Variants in CCDC92B observed in about 807,000 individuals in gnomAD.
CCDC92B encodes coiled-coil domain containing 92B.
In CCDC92B, 2 loss-of-function variants were observed where a neutral mutation model predicts 5.6. That is an observed-to-expected ratio of 0.36 (90% CI 0.15 to 1.12). The LOEUF (loss-of-function observed/expected upper bound fraction) is 1.12, where lower values mean the gene tolerates loss of function less well. Among genes scored for constraint, CCDC92B ranks in the 50% most tolerant of loss-of-function variants. CCDC92B has a pLI of 0.40. For synonymous variants in CCDC92B, 115 were observed against 122.3 expected, an observed-to-expected ratio of 0.94 and a Z score of 0.39; for missense variants, 271 against 262.2, an observed-to-expected ratio of 1.03 and a Z score of -0.23.
intron 1 of CCDC92B, among the ~76,000 whole-genome samples, chr17:2,737,811 C>T (rs11654669): frequency 0.38 from 57,025 of 151,548 alleles, 12,959 homozygotes; most frequent in Non-Finnish European, 0.5. Context: ...AAGGGGTGGC[C>T]CTTTGGCCTG....
chr17:2,746,899 T>G (rs1461374840), intron 1 of CCDC92B, among the ~76,000 whole-genome samples: 6 of 152,178 alleles, frequency 3.9e-5, no homozygotes, highest in Non-Finnish European at 8.8e-5. Context: ...CTTGAACTCC[T>G]GACCTCAGGT....
chr17:2,734,316 G>C (rs1237729229), intron 2 of CCDC92B, among the ~76,000 whole-genome samples: 1 of 152,060 alleles, frequency 6.6e-6, no homozygotes, highest in Admixed American at 6.6e-5. Flanking sequence ...TCCTCAAGCT[G>C]GACATGCTCC....
chr17:2,720,860 CTCTATT>C lies in CCDC92B; in HGVS notation c.*3545_*3550del, dbSNP rs1775482863. 1.3e-5 allele frequency: 2 copies of C among 152,226 alleles called. No homozygotes were observed. Among genetic ancestry groups the C allele is most frequent in the South Asian group, 4.1e-4 (2 of 4,834 alleles). 9.4% of individuals were successfully genotyped at this position (152,226 alleles called of 1,614,324 possible). ...TGACAGTCACCCCTAAAGCACAGGG[CTCTATT>C]TCTGTGGGTGAGTGAATACACTCTG... On this transcript the variant is annotated 3_prime_UTR_variant, in exon 4 of 4. Transcript: ENST00000614400.
chr17:2,736,281 G>A (rs2070856479), intron 1 of CCDC92B, among the ~76,000 whole-genome samples: 1 of 151,942 alleles, frequency 6.6e-6, no homozygotes, highest in Non-Finnish European at 1.5e-5. Context: ...ACAAAAATTA[G>A]CCAGGCTTGG....
intron 3 of CCDC92B, among the ~76,000 whole-genome samples, chr17:2,728,986 A>C (rs2070767034): frequency 6.6e-6 from 1 of 152,172 alleles, no homozygotes; most frequent in African/African-American, 2.4e-5. Context: ...TGTTCTTAAG[A>C]ACTCTTCTGG....
At chr17:2,733,420 C>T (rs59414065) in intron 2 of CCDC92B, among the ~76,000 whole-genome samples, 4,265 of 151,880 alleles carry the variant, frequency 0.028, 219 homozygotes, top group African/African-American at 0.097. Flanking sequence ...CCACCACGTC[C>T]GGCTAATTTT....
rs1373269417 is a variant in CCDC92B at position 2,724,151 on chromosome 17, C to T, written c.*260G>A. On this transcript the variant is annotated 3_prime_UTR_variant, in exon 4 of 4. Transcript: ENST00000614400. This position sits in a 1 kb window ranked among gnomAD's most constrained non-coding sequence, Gnocchi z 5.0. ...TGGGACCAGGCCAGGATCGGGACGG[C>T]GAGTCCTCTCGGTAGAGAAGGTGCC... 7 of 985,260 alleles carry T rather than the reference C, an allele frequency of 7.1e-6. No homozygotes were observed. Among genetic ancestry groups the T allele is most frequent in the Non-Finnish European group, 8.4e-6 (7 of 829,906 alleles). 61.0% of individuals were successfully genotyped at this position (985,260 alleles called of 1,614,324 possible).
At chr17:2,739,732 G>A (rs1317029293) in intron 1 of CCDC92B, among the ~76,000 whole-genome samples, 1 of 152,058 alleles carries the variant, frequency 6.6e-6, no homozygotes, top group Non-Finnish European at 1.5e-5. Flanking sequence ...ATAGAATAAA[G>A]AAATGTAAAG....
intron 2 of CCDC92B, among the ~76,000 whole-genome samples, chr17:2,732,171 A>G (rs1597237714): frequency 6.6e-6 from 1 of 152,040 alleles, no homozygotes; most frequent in Non-Finnish European, 1.5e-5. Context: ...CCCAGAACGT[A>G]CCCACCTCTC....
chr17:2,740,903 C>T (rs2070918411), intron 1 of CCDC92B, among the ~76,000 whole-genome samples: 1 of 134,746 alleles, frequency 7.4e-6, no homozygotes, highest in African/African-American at 2.9e-5. Context: ...GAGGTCAAGT[C>T]TGCGGTGAGC....
intron 1 of CCDC92B, among the ~76,000 whole-genome samples, chr17:2,745,599 G>A (rs2070976344): frequency 6.6e-6 from 1 of 152,164 alleles, no homozygotes; most frequent in Non-Finnish European, 1.5e-5. Context: ...GAGTGGGGAA[G>A]GGAACTAGTG....
intron 1 of CCDC92B, among the ~76,000 whole-genome samples, chr17:2,747,335 T>G (rs564119890): frequency 6.6e-5 from 10 of 152,244 alleles, no homozygotes; most frequent in Non-Finnish European, 1.3e-4. Flanking sequence ...TAAGTATGTA[T>G]GTTTTCTTGT....
intron 3 of CCDC92B, among the ~76,000 whole-genome samples, chr17:2,728,311 CAA>C (rs11340880): frequency 9.4e-4 from 127 of 135,062 alleles, no homozygotes; most frequent in Admixed American, 1.2e-3. Context: ...GAGTATGTCT[CAA>C]AAAAAAAAAA....
rs373907775 is a variant in CCDC92B at position 2,722,996 on chromosome 17, C to T, written c.*1415G>A. The T allele has an allele frequency of 2.6e-5, 4 of 152,532 alleles. No individual in the cohort carries two copies. Among genetic ancestry groups the T allele is most frequent in the African/African-American group, 9.6e-5 (4 of 41,548 alleles). 9.4% of individuals were successfully genotyped at this position (152,532 alleles called of 1,614,324 possible). A position where few individuals can be genotyped will look rare whatever the true frequency, so the allele number is the denominator to read the frequency against. ...AGGGGCGTTAGGAGGTGGGGCTTTCCCCTTTCCACGTCGCCATTCCCCAGG... is the reference window on the plus strand; with the variant it reads ...AGGGGCGTTAGGAGGTGGGGCTTTCTCCTTTCCACGTCGCCATTCCCCAGG... On this transcript the variant is annotated 3_prime_UTR_variant, in exon 4 of 4. Transcript: ENST00000614400.
intron 2 of CCDC92B, among the ~76,000 whole-genome samples, chr17:2,732,615 G>A (rs987243261): frequency 6.6e-6 from 1 of 152,104 alleles, no homozygotes; most frequent in African/African-American, 2.4e-5. Context: ...TACTTCGGAG[G>A]CTGAGGCAGG....
chr17:2,739,361 A>G (rs1597243473), intron 1 of CCDC92B, among the ~76,000 whole-genome samples: 1 of 148,916 alleles, frequency 6.7e-6, no homozygotes, highest in Non-Finnish European at 1.5e-5. Flanking sequence ...GCGAGACTCC[A>G]TCTCAAAATA....
At chr17:2,730,143 G>A (rs531200227) in intron 3 of CCDC92B, among the ~76,000 whole-genome samples, 2 of 152,288 alleles carry the variant, frequency 1.3e-5, no homozygotes, top group East Asian at 3.9e-4. Context: ...CATGGATACA[G>A]GCTACTATGT....
intron 1 of CCDC92B, chr17:2,748,211 T>C (rs750455547): frequency 1.2e-5 from 7 of 595,304 alleles, no homozygotes; most frequent in African/African-American, 9.4e-5. Flanking sequence ...AGTAGCCCAG[T>C]AGCCAGGCCA....
At chr17:2,728,765 C>T (rs1267646490) in intron 3 of CCDC92B, among the ~76,000 whole-genome samples, 1 of 152,142 alleles carries the variant, frequency 6.6e-6, no homozygotes, top group African/African-American at 2.4e-5. Flanking sequence ...CATGTGCTGC[C>T]TTCCTCCAGC....
Sources: allele counts gnomAD v4.1 joint callset (sites outside exome capture counted in the v4.1 genomes callset), GRCh38; gene constraint gnomAD v4.1.1; non-coding constraint Gnocchi (gnomAD v3.1); transcripts MANE v1.5; gene names NCBI Gene and HGNC (gene_info 2026-07-23, HGNC 2026-07-21).